The following CRYBG2 variants were observed in gnomAD, a reference collection of about 807,000 sequenced individuals.
CRYBG2 encodes beta/gamma crystallin domain-containing protein 2.
CRYBG2 carries 106 observed loss-of-function variants against 153.4 expected under a neutral mutation model. The observed-to-expected ratio is 0.69, with a 90% CI of 0.59 to 0.81. The LOEUF (loss-of-function observed/expected upper bound fraction) is 0.81, where lower values mean the gene tolerates loss of function less well. Ranked by LOEUF, CRYBG2 falls within the 30% of genes least tolerant of loss-of-function variation. The pLI is 0.00. For synonymous variants in CRYBG2, 851 were observed against 877.8 expected (o/e 0.97, Z 0.54); for missense variants, 1,996 against 2,112.0 (o/e 0.95, Z 1.08).
intron 5 of CRYBG2, among the ~76,000 whole-genome samples, chr1:26,340,803 G>C (rs2074119165): frequency 6.6e-6 from 1 of 151,862 alleles, no homozygotes; most frequent in Admixed American, 6.6e-5. Flanking sequence ...TTTTAGTAGA[G>C]ACAGGGTTTC....
chr1:26,328,372 G>T, intron 16 of CRYBG2, 40 bp from the exon 17 acceptor site: 1 of 1,551,842 alleles, frequency 6.4e-7, no homozygotes. Context: ...GAAGAGCACA[G>T]ACACACAGAC....
In CRYBG2 at chr1:26,346,258, A is replaced by G. The variant is rs201896905; in HGVS notation, c.400T>C (p.Cys134Arg). 3.8e-6 allele frequency: 6 copies of G among 1,586,102 alleles called. No homozygotes were observed. The highest frequency in any genetic ancestry group is 2.2e-5 in the East Asian group (1 of 44,628). ...SRQAPRTEPP[C>R]VGAMARTELL... ...TCAGTCCTGGCCATAGCTCCCACAC[A>G]TGGGGGCTCAGTCCTGGGAGCTTGG... Residue 134 changes from cysteine (C) to arginine (R), a missense_variant, in exon 2 of 20, where the codon TGT becomes CGT. Coordinates refer to ENST00000308182, the MANE Select transcript of CRYBG2 (RefSeq NM_001039775.4). The surrounding 1 kb of genome is among the most constrained non-coding windows in gnomAD (Gnocchi z 4.9).
rs975219092 is a variant in CRYBG2, at chr1:26,344,566, C to T, written c.2092G>A (p.Val698Ile). 1.0e-5 allele frequency: 16 copies of T among 1,540,744 alleles called. No individual in the cohort carries two copies. The East Asian group carries it at 3.2e-4, about 31-fold the overall frequency. The change falls in exon 2 of 20, where the codon GTT becomes ATT. Residue 698 changes from valine (V) to isoleucine (I), a missense_variant. By Grantham distance (29) the Val-to-Ile change is conservative. Transcript: ENST00000308182. ...GGGAGAGCATCAGGGTCCTGCACAA[C>T]CTCTTTCTGGGTGAGAGATGAGATG... is the stretch of plus-strand genomic sequence containing the variant. The part of the protein sequence containing the change: ...SPISSLTQKE[V>I]VQDPDALPAP...
At chr1:26,337,812 A>G in intron 8 of CRYBG2, 138 bp from the exon 9 acceptor site, 1 of 1,346,258 alleles carries the variant, frequency 7.4e-7, no homozygotes, top group Non-Finnish European at 1.0e-6. Flanking sequence ...CCCTTACCCA[A>G]TTCCTATCTC....
At chr1:26,338,534 T>C (rs2074090909) in intron 6 of CRYBG2, 57 bp from the exon 7 acceptor site, 2 of 1,504,656 alleles carry the variant, frequency 1.3e-6, no homozygotes, top group Non-Finnish European at 1.8e-6. Flanking sequence ...GGGACACAGA[T>C]TGGTGGGCGG....
intron 1 of CRYBG2, among the ~76,000 whole-genome samples, chr1:26,349,967 G>A (rs537674056): frequency 4.6e-5 from 7 of 151,754 alleles, no homozygotes; most frequent in South Asian, 4.2e-4. Flanking sequence ...AGCCTGCACC[G>A]CTATGCCTGG....
chr1:26,329,992 C>T (rs1330421124), intron 15 of CRYBG2, among the ~76,000 whole-genome samples: 1 of 152,184 alleles, frequency 6.6e-6, no homozygotes, highest in Non-Finnish European at 1.5e-5. Context: ...GCCTTGGCTT[C>T]CCAAAGTGCT....
chr1:26,323,015 A>G (rs531505107), intron 18 of CRYBG2, among the ~76,000 whole-genome samples: 22 of 151,572 alleles, frequency 1.5e-4, no homozygotes, highest in African/African-American at 5.3e-4. Flanking sequence ...AGATATCTGC[A>G]TGGCTGCCTC....
At position 26,343,051 on chromosome 1, in the gene CRYBG2, C is replaced by G. The variant is rs772991571; in HGVS notation, c.3070G>C (p.Gly1024Arg). Residue 1024 changes from glycine to arginine, a missense_variant, in exon 4 of 20, where the codon GGC becomes CGC. Gly to Arg is a moderately radical substitution (Grantham distance 125, BLOSUM62 -2). Coordinates refer to ENST00000308182, the MANE Select transcript of CRYBG2 (RefSeq NM_001039775.4). The surrounding 1 kb of genome is among the most constrained non-coding windows in gnomAD (Gnocchi z 4.1). ...TGCTGGGCACTCCCCACTCACCAGC[C>G]TCGAACTACCCTTATGGAGGCTACG... ...APVASIRVVR[G>R]CWVLYEEPEF... is the part of the protein sequence containing the mutation. The G allele has an allele frequency of 1.3e-6, 2 of 1,547,992 alleles. No individual in the cohort carries two copies. Among genetic ancestry groups the G allele is most frequent in the African/African-American group, 2.7e-5 (2 of 72,966 alleles).
At chr1:26,337,105 G>A in intron 10 of CRYBG2, 125 bp from the exon 11 acceptor site, 1 of 1,552,960 alleles carries the variant, frequency 6.4e-7, no homozygotes, top group African/African-American at 1.4e-5. Context: ...ACCTGGAGAA[G>A]AGCAGCAGGG....
At chr1:26,352,160 T>A (rs1053744763) in intron 1 of CRYBG2, among the ~76,000 whole-genome samples, 1 of 152,068 alleles carries the variant, frequency 6.6e-6, no homozygotes, top group Non-Finnish European at 1.5e-5. Flanking sequence ...CAGGCCCACA[T>A]GCAGGCAAAC....
intron 14 of CRYBG2, among the ~76,000 whole-genome samples, chr1:26,333,239 G>A (rs537167956): frequency 6.3e-4 from 96 of 152,056 alleles, no homozygotes; most frequent in Non-Finnish European, 1.3e-3. Flanking sequence ...GGTCATGAGG[G>A]TGAGACCCCA....
At chr1:26,322,492 A>G (rs184271285) in intron 18 of CRYBG2, among the ~76,000 whole-genome samples, 169 bp from the exon 19 acceptor site, 165 of 152,324 alleles carry the variant, frequency 1.1e-3, no homozygotes, top group Admixed American at 2.2e-3. Flanking sequence ...GGGAATCCCC[A>G]AATGCTGGCT....
chr1:26,338,952 G>A (rs2074094695), intron 6 of CRYBG2, among the ~76,000 whole-genome samples: 1 of 152,170 alleles, frequency 6.6e-6, no homozygotes, highest in South Asian at 2.1e-4. Flanking sequence ...CATCTGCTCT[G>A]TGCCAGACCC....
At chr1:26,334,590 A>G (rs987586795) in intron 14 of CRYBG2, among the ~76,000 whole-genome samples, 10 of 152,320 alleles carry the variant, frequency 6.6e-5, no homozygotes, top group African/African-American at 2.4e-4. Context: ...TTGAACGAAT[A>G]TATAACAAAT....
At chr1:26,330,133 GATA>G (rs2073982203) in intron 15 of CRYBG2, among the ~76,000 whole-genome samples, 1 of 152,112 alleles carries the variant, frequency 6.6e-6, no homozygotes, top group Admixed American at 6.5e-5. Context: ...TAATAATACT[GATA>G]ATAATAGCAG....
In CRYBG2 at chr1:26,336,433, G is replaced by A; in HGVS notation, c.4039-63C>T. 6.3e-7 allele frequency: 1 copy of A among 1,594,932 alleles called. No homozygotes were observed. Among genetic ancestry groups the A allele is most frequent in the Non-Finnish European group, 8.5e-7 (1 of 1,170,800 alleles). On this transcript the variant is annotated intron_variant, in intron 12 of 19. Coordinates refer to ENST00000308182, the MANE Select transcript of CRYBG2 (RefSeq NM_001039775.4). The surrounding 1 kb of genome is among the most constrained non-coding windows in gnomAD (Gnocchi z 4.9). ...CCGGCCCCTAGCCTTGTCTTCTCTA[G>A]GTTTCAGTACCGTCCACCCCGCGGC...
chr1:26,338,538 T>C (rs2074090987), intron 6 of CRYBG2, 61 bp from the exon 7 acceptor site: 7 of 1,494,328 alleles, frequency 4.7e-6, no homozygotes, highest in Non-Finnish European at 6.3e-6. Context: ...CACAGATTGG[T>C]GGGCGGGAGG....
chr1:26,329,173 C>CTTT lies in CRYBG2; in HGVS notation c.4315-303_4315-301dup, dbSNP rs35855833. ...ATGGAAACCTGGGGCTTATTCTAGG[C>CTTT]TTTTTTTTTTTTTTTTTTTTGAGAC... On this transcript the variant is annotated intron_variant, in intron 15 of 19. Transcript: ENST00000308182. 2.6e-3 allele frequency among the ~76,000 whole-genome samples: 261 copies of CTTT among 98,614 alleles called. 6 individuals carry two copies. Among genetic ancestry groups the CTTT allele is most frequent in the African/African-American group, 3.4e-3 (82 of 24,440 alleles). The allele number at this position is 98,614 out of a possible 152,430, so 64.7% of individuals were successfully genotyped here.
Sources: gnomAD v4.1 joint callset for allele counts (sites outside exome capture counted in the v4.1 genomes callset) on GRCh38, gnomAD v4.1.1 for gene constraint, Gnocchi (gnomAD v3.1) non-coding constraint, MANE v1.5 for transcripts, NCBI Gene and HGNC (gene_info 2026-07-23, HGNC 2026-07-21) for gene names.